VEZF1: variants seen among roughly 807,000 people sequenced by gnomAD.
The protein encoded by VEZF1 is putative transcription factor DB1.
Under a neutral mutation model 44.1 loss-of-function variants are expected in VEZF1, and 5 were observed. That is an observed-to-expected ratio of 0.11 (90% CI 0.06 to 0.24). The LOEUF (loss-of-function observed/expected upper bound fraction) is 0.24. Ranked by LOEUF, VEZF1 falls within the 10% of genes least tolerant of loss-of-function variation. The pLI is 1.00. For missense variants in VEZF1, 358 were observed against 641.8 expected (o/e 0.56, Z 4.78); for synonymous variants, 236 against 233.1 (o/e 1.01, Z -0.11).
chr17:57,979,409 A>T, intron 4 of VEZF1, 96 bp from the exon 5 acceptor site: 1 of 1,542,976 alleles, frequency 6.5e-7, no homozygotes, highest in Non-Finnish European at 8.7e-7. Flanking sequence ...GATCTTAACC[A>T]TTTAACCTGA....
At chr17:57,983,494 A>C in intron 1 of VEZF1, 101 bp from the exon 2 acceptor site, 1 of 1,035,028 alleles carries the variant, frequency 9.7e-7, no homozygotes, top group Non-Finnish European at 1.4e-6. Flanking sequence ...CAGTCAAAGA[A>C]CCTATAAGCT....
chr17:57,978,804 AG>A (rs1462845536), intron 5 of VEZF1, among the ~76,000 whole-genome samples: 5 of 152,210 alleles, frequency 3.3e-5, no homozygotes, highest in African/African-American at 9.6e-5. Context: ...TATTTTAGAA[AG>A]GAAAAAAAAA....
chr17:57,983,428 C>T (rs979289403), intron 1 of VEZF1, 35 bp from the exon 2 acceptor site: 3 of 1,548,462 alleles, frequency 1.9e-6, no homozygotes, highest in East Asian at 4.5e-5. Context: ...GAAACTCAGC[C>T]TCTCACAATG....
At chr17:57,983,548 C>T (rs149826175) in intron 1 of VEZF1, among the ~76,000 whole-genome samples, 155 bp from the exon 2 acceptor site, 25 of 152,322 alleles carry the variant, frequency 1.6e-4, no homozygotes, top group Admixed American at 1.1e-3. Context: ...ACTCTAAGAG[C>T]TCACAATACA....
chr17:57,974,521 C>T lies in VEZF1; in HGVS notation c.1518G>A (p.Glu506=). ...AAGCTTGGGGCAAGAAAGGCATGCT[C>T]TCTACAGGTCTCATTGCTATATTGA... ...APLNIAMRPV[E]SMPFLPQALP... The change falls in exon 6 of 6, where the codon GAG becomes GAA. Residue 506 remains glutamate, a synonymous_variant. Coordinates refer to ENST00000581208, the MANE Select transcript of VEZF1 (RefSeq NM_007146.3). 2 of 1,614,106 alleles carry T rather than the reference C, an allele frequency of 1.2e-6. No individual in the cohort carries two copies. The highest frequency in any genetic ancestry group is 4.5e-5 in the East Asian group (2 of 44,894).
intron 2 of VEZF1, 114 bp from the exon 3 acceptor site, chr17:57,982,050 G>A: frequency 9.1e-7 from 1 of 1,100,660 alleles, no homozygotes. Flanking sequence ...GGGAAAGCTA[G>A]CAGAATTACC....
At position 57,982,747 on chromosome 17, in the gene VEZF1, C is replaced by T; in HGVS notation, c.680G>A (p.Gly227Asp). ...MTYHVRSHEG[G>D]ITKPYTCSVC... ...ACTGCAAGTATAGGGTTTGGTGATG[C>T]CTCCTTCATGAGACCTCACATGGTA... Residue 227 changes from glycine to aspartate, a missense_variant, in exon 2 of 6, where the codon GGC (glycine) becomes GAC (aspartate). By Grantham distance (94) the Gly-to-Asp change is moderately conservative. Around this residue, in one of 4 missense-constraint regions of VEZF1, gnomAD observed 48 missense variants for 144.9 expected, o/e 0.33. Coordinates refer to ENST00000581208, the MANE Select transcript of VEZF1 (RefSeq NM_007146.3). 1 of 1,614,106 alleles carries T rather than the reference C, an allele frequency of 6.2e-7. No individual in the cohort carries two copies. The highest frequency in any genetic ancestry group is 8.5e-7 in the Non-Finnish European group (1 of 1,179,968).
intron 1 of VEZF1, among the ~76,000 whole-genome samples, chr17:57,983,644 T>G (rs1006474051): frequency 6.6e-6 from 1 of 152,184 alleles, no homozygotes; most frequent in South Asian, 2.1e-4. Flanking sequence ...CTGACTAAAC[T>G]ACACACTATC....
rs143013181 is a variant in VEZF1, at chr17:57,983,935, C to T, written c.34-542G>A. ...TGAAAGAAATCTAGTTCTCTAAATA[C>T]ATTTGCTAGTCGTTAACGTTAAGTT... On this transcript the variant is annotated intron_variant, in intron 1 of 5. Transcript: ENST00000581208. Among the ~76,000 whole-genome samples the T allele has an allele frequency of 5.8e-3, 886 of 152,290 alleles. 9 individuals are homozygous for T. The highest frequency in any genetic ancestry group is 0.03 in the South Asian group (144 of 4,822).
chr17:57,984,227 T>C (rs1370586903), intron 1 of VEZF1, among the ~76,000 whole-genome samples: 1 of 152,312 alleles, frequency 6.6e-6, no homozygotes, highest in East Asian at 1.9e-4. Flanking sequence ...AATAAAGTAT[T>C]AGACATTTGC....
At chr17:57,979,778 G>A (rs548840249) in intron 4 of VEZF1, among the ~76,000 whole-genome samples, 30 of 151,912 alleles carry the variant, frequency 2.0e-4, no homozygotes, top group African/African-American at 7.0e-4. Context: ...TGGGCAACAC[G>A]GTGAAACGCC....
At chr17:57,976,149 T>C (rs1380641345) in intron 5 of VEZF1, among the ~76,000 whole-genome samples, 1 of 152,000 alleles carries the variant, frequency 6.6e-6, no homozygotes, top group African/African-American at 2.4e-5. Flanking sequence ...CTCAACAAAA[T>C]TCAGCACCAG....
At chr17:57,976,917 C>T (rs1323516391) in intron 5 of VEZF1, among the ~76,000 whole-genome samples, 1 of 152,104 alleles carries the variant, frequency 6.6e-6, no homozygotes, top group Non-Finnish European at 1.5e-5. Context: ...ACTCTCTTAT[C>T]TGCTGACCCC....
intron 1 of VEZF1, among the ~76,000 whole-genome samples, chr17:57,984,084 T>C (rs2075274597): frequency 1.3e-5 from 2 of 152,256 alleles, no homozygotes; most frequent in Admixed American, 1.3e-4. Context: ...TTTAATTGTA[T>C]ACTGAAGTCT....
chr17:57,972,256 C>G lies in VEZF1; in HGVS notation c.*2217G>C, dbSNP rs2075143957. 1 of 152,346 alleles carries G rather than the reference C, an allele frequency of 6.6e-6. No individual in the cohort carries two copies. The highest frequency in any genetic ancestry group is 1.9e-4 in the East Asian group (1 of 5,186). 9.4% of individuals were successfully genotyped at this position (152,346 alleles called of 1,614,324 possible). ...TTAGGGGTAGGGCCCACACCTGCCC[C>G]CACTGAGGACTGCTCCTTGGACCAC... On this transcript the variant is annotated 3_prime_UTR_variant, in exon 6 of 6. Coordinates refer to ENST00000581208, the MANE Select transcript of VEZF1 (RefSeq NM_007146.3).
intron 1 of VEZF1, among the ~76,000 whole-genome samples, chr17:57,987,463 G>A (rs572086260): frequency 1.9e-4 from 29 of 152,354 alleles, no homozygotes; most frequent in African/African-American, 6.7e-4. Context: ...CCCCAACTGG[G>A]TAAACACGAG....
intron 2 of VEZF1, 113 bp from the exon 3 acceptor site, chr17:57,982,049 A>G (rs1007480017): frequency 1.1e-5 from 12 of 1,133,638 alleles, no homozygotes; most frequent in Middle Eastern, 2.7e-4. Flanking sequence ...AGGGAAAGCT[A>G]GCAGAATTAC....
chr17:57,972,953 T>C lies in VEZF1; in HGVS notation c.*1520A>G, dbSNP rs2075151400. 1 of 152,620 alleles carries C rather than the reference T, an allele frequency of 6.6e-6. No homozygotes were observed. Among genetic ancestry groups the C allele is most frequent in the African/African-American group, 2.4e-5 (1 of 41,458 alleles). The allele number at this position is 152,620 out of a possible 1,614,324, so 9.5% of individuals were successfully genotyped here. ...TATAAATGGAAATCATCCAGTTTGA[T>C]AGTCAGTCCTGCAAACATTCTGCAA... On this transcript the variant is annotated 3_prime_UTR_variant, in exon 6 of 6. Transcript: ENST00000581208.
In VEZF1 at chr17:57,979,255, C is replaced by CTGT; in HGVS notation, c.1034_1035insACA (p.Gln354dup). ...GTTGTTGTTGTTGTTGCTGCTGCTG[C>CTGT]TGCTGCTGCTGCTGCTGCTGCTGCT... On this transcript the variant is annotated inframe_insertion, in exon 5 of 6. Transcript: ENST00000581208. 1 of 1,597,630 alleles carries CTGT rather than the reference C, an allele frequency of 6.3e-7. No individual in the cohort carries two copies. Among genetic ancestry groups the CTGT allele is most frequent in the Non-Finnish European group, 8.6e-7 (1 of 1,167,104 alleles).
Sources: allele counts gnomAD v4.1 joint callset (sites outside exome capture counted in the v4.1 genomes callset), GRCh38; gene constraint gnomAD v4.1.1; regional missense constraint gnomAD v4.1.1; transcripts MANE v1.5; gene names NCBI Gene and HGNC (gene_info 2026-07-23, HGNC 2026-07-21).